LRP1B: variants seen among roughly 807,000 people sequenced by gnomAD.
The protein encoded by LRP1B is LDL receptor related protein 1B.
In LRP1B, 217 loss-of-function variants were observed where a neutral mutation model predicts 556.6. The observed-to-expected ratio is 0.39, with a 90% CI of 0.35 to 0.44. The LOEUF is 0.44. Among genes scored for constraint, LRP1B ranks in the 20% least tolerant of loss-of-function variants. The pLI is 1.00. For synonymous variants in LRP1B, 2,047 were observed against 1,865.8 expected (o/e 1.10, Z -2.50); for missense variants, 5,053 against 5,620.8 (o/e 0.90, Z 3.23).
chr2:140,739,708 GC>G (rs1160606713), intron 35 of LRP1B, among the ~76,000 whole-genome samples: 1 of 152,026 alleles, frequency 6.6e-6, no homozygotes, highest in Non-Finnish European at 1.5e-5. Context: ...AAAAAATACC[GC>G]TGATTGGATA....
intron 18 of LRP1B, among the ~76,000 whole-genome samples, chr2:140,964,540 C>G (rs1234089557): frequency 1.3e-5 from 2 of 151,518 alleles, no homozygotes; most frequent in African/African-American, 4.9e-5. Context: ...ACCAAGGAGC[C>G]CTCTGGTGGC....
chr2:141,847,054 CAT>C (rs960108301), intron 1 of LRP1B, among the ~76,000 whole-genome samples: 1 of 151,424 alleles, frequency 6.6e-6, no homozygotes, highest in Non-Finnish European at 1.5e-5. Context: ...TTCTTTGTTT[CAT>C]TTCATTTTGT....
chr2:140,797,669 T>A (rs1261228439), intron 32 of LRP1B, among the ~76,000 whole-genome samples: 1 of 152,098 alleles, frequency 6.6e-6, no homozygotes, highest in Admixed American at 6.6e-5. Context: ...ATGCATAAAT[T>A]AATTATGTAA....
intron 3 of LRP1B, among the ~76,000 whole-genome samples, chr2:141,331,522 C>CTTTTATT (rs10694161): frequency 7.1e-6 from 1 of 140,718 alleles, no homozygotes; most frequent in African/African-American, 2.9e-5. Context: ...TTCTTTCTTT[C>CTTTTATT]TCTTTCTTTC....
chr2:140,489,541 G>A (rs1688612304), intron 57 of LRP1B, among the ~76,000 whole-genome samples: 1 of 152,082 alleles, frequency 6.6e-6, no homozygotes, highest in African/African-American at 2.4e-5. Flanking sequence ...CCATATATAT[G>A]TAGGAAGTTG....
At chr2:141,425,070 TC>T (rs1680303930) in intron 3 of LRP1B, among the ~76,000 whole-genome samples, 3 of 141,076 alleles carry the variant, frequency 2.1e-5, no homozygotes, top group Admixed American at 7.5e-5. Context: ...CCCTCCCCCG[TC>T]CCCCAACCCC....
chr2:140,821,092 T>G (rs565720543), intron 31 of LRP1B, among the ~76,000 whole-genome samples: 2 of 152,134 alleles, frequency 1.3e-5, no homozygotes, highest in Admixed American at 6.5e-5. Context: ...GTTTTTGTTT[T>G]GTTTAACTCT....
chr2:140,388,875 T>A (rs1683885403), intron 66 of LRP1B, among the ~76,000 whole-genome samples: 1 of 152,164 alleles, frequency 6.6e-6, no homozygotes, highest in Non-Finnish European at 1.5e-5. Flanking sequence ...AATCAGACTC[T>A]CTGGGGTGGG....
intron 60 of LRP1B, among the ~76,000 whole-genome samples, chr2:140,468,829 G>T (rs1029633872): frequency 6.6e-6 from 1 of 152,136 alleles, no homozygotes; most frequent in African/African-American, 2.4e-5. Flanking sequence ...TTGGTGTTTG[G>T]TCAGAATCCA....
intron 2 of LRP1B, among the ~76,000 whole-genome samples, chr2:141,674,428 T>C (rs1393607204): frequency 6.6e-6 from 1 of 152,088 alleles, no homozygotes; most frequent in Non-Finnish European, 1.5e-5. Context: ...CCAATTTATT[T>C]GCCACAATTG....
intron 76 of LRP1B, among the ~76,000 whole-genome samples, chr2:140,352,528 G>C (rs148335023): frequency 2.6e-5 from 4 of 152,110 alleles, no homozygotes; most frequent in Non-Finnish European, 4.4e-5. Context: ...TTCTAAATTT[G>C]AAAGCAAGAT....
chr2:141,632,310 T>C (rs1688944524), intron 2 of LRP1B, among the ~76,000 whole-genome samples: 1 of 152,190 alleles, frequency 6.6e-6, no homozygotes, highest in South Asian at 2.1e-4. Context: ...AGCAAATTGA[T>C]ATTTCCAATT....
intron 3 of LRP1B, among the ~76,000 whole-genome samples, chr2:141,401,148 T>G (rs1184009073): frequency 2.0e-5 from 3 of 152,170 alleles, no homozygotes; most frequent in South Asian, 2.1e-4. Flanking sequence ...CTTACTGACA[T>G]TAAAATACTG....
intron 66 of LRP1B, among the ~76,000 whole-genome samples, chr2:140,425,810 G>T (rs1441016844): frequency 6.6e-6 from 1 of 152,004 alleles, no homozygotes; most frequent in Non-Finnish European, 1.5e-5. Context: ...GCTCTCATAG[G>T]GTTGTTGTGA....
At chr2:140,478,831 C>T (rs888772253) in intron 59 of LRP1B, among the ~76,000 whole-genome samples, 2 of 151,956 alleles carry the variant, frequency 1.3e-5, no homozygotes, top group Admixed American at 1.3e-4. Flanking sequence ...AAACGTAGAA[C>T]ATTGATAAGT....
At chr2:141,719,916 T>G (rs576316698) in intron 2 of LRP1B, among the ~76,000 whole-genome samples, 1 of 152,256 alleles carries the variant, frequency 6.6e-6, no homozygotes, top group Non-Finnish European at 1.5e-5. Flanking sequence ...ACCTAGGTGA[T>G]GGGATCAATC....
In LRP1B at chr2:141,688,721, T is replaced by G. The variant is rs985433495; in HGVS notation, c.205+121558A>C. Among the ~76,000 whole-genome samples the G allele has an allele frequency of 2.0e-5, 3 of 151,878 alleles. No individual in the cohort carries two copies. In the Admixed American group the frequency reaches 2.0e-4, roughly 10 times the overall value. On this transcript the variant is annotated intron_variant, in intron 2 of 90. Transcript: ENST00000389484. The stretch of plus-strand genomic sequence containing the variant: ...TGTCCACTTCGATATACTGCCACTT[T>G]AAGATATCTGCCTTTCTAGCACAGT...
chr2:140,830,693 A>G (rs1457664804), intron 31 of LRP1B, among the ~76,000 whole-genome samples: 2 of 152,140 alleles, frequency 1.3e-5, no homozygotes, highest in Non-Finnish European at 2.9e-5. Context: ...GTTCTGGAAC[A>G]AGACAAGGAT....
intron 2 of LRP1B, among the ~76,000 whole-genome samples, chr2:141,518,001 A>G (rs1008348447): frequency 3.3e-5 from 5 of 152,208 alleles, no homozygotes; most frequent in Admixed American, 6.5e-5. Flanking sequence ...ATGAGGAGAT[A>G]AGCTAAAGAA....
Sources: allele counts gnomAD v4.1 joint callset (sites outside exome capture counted in the v4.1 genomes callset), GRCh38; gene constraint gnomAD v4.1.1; transcripts MANE v1.5; gene names NCBI Gene and HGNC (gene_info 2026-07-23, HGNC 2026-07-21).